Variants in KMT2B observed in about 807,000 individuals in gnomAD.
The protein encoded by KMT2B is histone-lysine N-methyltransferase 2B.
A neutral mutation model predicts 255.3 loss-of-function variants in KMT2B; 22 were observed. That is an observed-to-expected ratio of 0.09 (90% confidence interval 0.06 to 0.12). The LOEUF is 0.12. KMT2B is among the 10% of genes least tolerant of loss of function. The pLI is 1.00. For missense variants in KMT2B, 3,149 were observed against 3,737.0 expected, an observed-to-expected ratio of 0.84 and a Z score of 4.10; for synonymous variants, 1,730 against 1,498.1, an observed-to-expected ratio of 1.15 and a Z score of -3.57.
chr19:35,735,833 C>T (rs1414679286), intron 30 of KMT2B: 1 of 152,344 alleles, frequency 6.6e-6, no homozygotes, highest in African/African-American at 2.4e-5. Flanking sequence ...GTCCCGACCC[C>T]CATCCCCCTT....
chr19:35,728,993 G>C lies in KMT2B; in HGVS notation c.4696G>C (p.Gly1566Arg). ...PPGDPSAAFQ[G>R]KDPAAFSHLE... ...TCACATTTCCTCTTCAGCATTCCAG[G>C]GCAAGGATCCGGCTGCCTTCTCACA... The change falls in exon 21 of 37, where the codon GGC (glycine) becomes CGC (arginine). Residue 1566 changes from glycine (G) to arginine (R), a missense_variant. Physicochemically the swap from Gly to Arg is moderately radical, Grantham distance 125. Around this residue, in one of 18 missense-constraint regions of KMT2B, gnomAD observed 377 missense variants for 471.0 expected, o/e 0.80. Transcript: ENST00000420124. 6.2e-7 allele frequency: 1 copy of C among 1,613,958 alleles called. No individual in the cohort carries two copies. The highest frequency in any genetic ancestry group is 1.1e-5 in the South Asian group (1 of 91,088).
chr19:35,719,454 G>T lies in KMT2B; in HGVS notation c.364-15G>T. On this transcript the variant is annotated splice_polypyrimidine_tract_variant and intron_variant, in intron 1 of 36. Transcript: ENST00000420124. ...GACTGCTGTTTCTCCCCTCCACCCCGGTCCCCTAAATCAGGAGTTTCAGGG... is the reference window on the plus strand; with the variant it reads ...GACTGCTGTTTCTCCCCTCCACCCCTGTCCCCTAAATCAGGAGTTTCAGGG... The T allele has an allele frequency of 1.3e-6, 2 of 1,567,288 alleles. No homozygotes were observed.
rs956852758 is a variant in KMT2B, at chr19:35,730,354, C to G, written c.5089C>G (p.Pro1697Ala). 2 of 1,611,978 alleles carry G rather than the reference C, an allele frequency of 1.2e-6. No homozygotes were observed. The highest frequency in any genetic ancestry group is 1.7e-6 in the Non-Finnish European group (2 of 1,178,302). Residue 1697 changes from proline to alanine, a missense_variant, in exon 24 of 37, where the codon CCC becomes GCC. By Grantham distance (27) the Pro-to-Ala change is conservative. Coordinates refer to ENST00000420124, the MANE Select transcript of KMT2B (RefSeq NM_014727.3). ...CCCCCTCTTCCAGGAAATTGTGAAC[C>G]CCGATGGTTTTGATGTTCTCCGCCG... ...DLLDGKEIVN[P>A]DGFDVLRRVY...
In KMT2B at chr19:35,727,420, C is replaced by G. The variant is rs1271989016; in HGVS notation, c.4118-18C>G. 2.3e-5 allele frequency: 37 copies of G among 1,613,120 alleles called. No homozygotes were observed. Among genetic ancestry groups the G allele is most frequent in the Non-Finnish European group, 3.1e-5 (37 of 1,179,680 alleles). ...ATCCTCTGAAACCACTTTTCCCTTT[C>G]CCACTTGGCTATCCTAGATGAAGAC... is the stretch of plus-strand genomic sequence containing the variant. On this transcript the variant is annotated intron_variant, in intron 15 of 36. Coordinates refer to ENST00000420124, the MANE Select transcript of KMT2B (RefSeq NM_014727.3). The surrounding 1 kb of genome is among the most constrained non-coding windows in gnomAD (Gnocchi z 4.2).
At position 35,723,604 on chromosome 19, in the gene KMT2B, CCATCTT is replaced by C; in HGVS notation, c.3058+104_3058+109del. On this transcript the variant is annotated intron_variant, in intron 7 of 36. Coordinates refer to ENST00000420124, the MANE Select transcript of KMT2B (RefSeq NM_014727.3). This position sits in a 1 kb window ranked among gnomAD's most constrained non-coding sequence, Gnocchi z 7.5. ...TCTCCTCCCTTGCAGCTCACCCTCT[CCATCTT>C]CTCCGTTGTGTGCTTTCATAGCTCC... The C allele has an allele frequency of 7.7e-7, 1 of 1,301,646 alleles. No homozygotes were observed. The highest frequency in any genetic ancestry group is 2.5e-5 in the East Asian group (1 of 39,574). The allele number at this position is 1,301,646 out of a possible 1,614,324, so 80.6% of individuals were successfully genotyped here. A position where few individuals can be genotyped will look rare whatever the true frequency, so the allele number is the denominator to read the frequency against.
chr19:35,728,951 G>T (rs543905274), intron 20 of KMT2B, 34 bp from the exon 21 acceptor site: 2 of 1,613,434 alleles, frequency 1.2e-6, no homozygotes. Flanking sequence ...TCCGGGTCCT[G>T]ATTCTTAGAC....
Position 35,738,631 on chromosome 19 carries a change from T to TAGGGAGC in KMT2B, c.*74_*75insAGGGAGC. On this transcript the variant is annotated 3_prime_UTR_variant, in exon 37 of 37. Coordinates refer to ENST00000420124, the MANE Select transcript of KMT2B (RefSeq NM_014727.3). The surrounding 1 kb of genome is among the most constrained non-coding windows in gnomAD (Gnocchi z 8.7). ...GCCATCTTGCCCCTAGCCTGGGGGC[T>TAGGGAGC]CCCTAGCCCCTCCCAGAGCATCTCA... The TAGGGAGC allele has an allele frequency of 6.8e-7, 1 of 1,470,234 alleles. No individual in the cohort carries two copies. The highest frequency in any genetic ancestry group is 9.2e-7 in the Non-Finnish European group (1 of 1,085,430). The allele number at this position is 1,470,234 out of a possible 1,614,324, so 91.1% of individuals were successfully genotyped here. A position where few individuals can be genotyped will look rare whatever the true frequency, so the allele number is the denominator to read the frequency against.
At chr19:35,726,873 A>C (rs231593) in intron 14 of KMT2B, among the ~76,000 whole-genome samples, 1 of 151,304 alleles carries the variant, frequency 6.6e-6, no homozygotes, top group African/African-American at 2.4e-5. Flanking sequence ...AATCTCAGCT[A>C]CTCGGGAGGC....
rs1013479394 is a variant in KMT2B at position 35,723,121 on chromosome 19, G to A, written c.2849G>A (p.Arg950Gln). Reference sequence around the variant, plus strand: ...GGAGGGACCCTGGCCCACACACCCCGGCGCTCACTGCCCTCCCATCACGGC... The same window carrying A: ...GGAGGGACCCTGGCCCACACACCCCAGCGCTCACTGCCCTCCCATCACGGC... ...GSGGTLAHTP[R>Q]RSLPSHHGKK... Residue 950 changes from arginine (R) to glutamine (Q), a missense_variant, in exon 6 of 37, where the codon CGG becomes CAG. This residue lies in a region of KMT2B where 132 missense variants were observed against 174.7 expected (regional missense o/e 0.76). Transcript: ENST00000420124. This position sits in a 1 kb window ranked among gnomAD's most constrained non-coding sequence, Gnocchi z 7.5. The A allele has an allele frequency of 1.1e-5, 18 of 1,613,210 alleles. No homozygotes were observed. The highest frequency in any genetic ancestry group is 3.3e-5 in the Admixed American group (2 of 59,996).
chr19:35,728,938 G>A (rs2146459135), intron 20 of KMT2B, 47 bp from the exon 21 acceptor site: 1 of 1,612,550 alleles, frequency 6.2e-7, no homozygotes, highest in African/African-American at 1.3e-5. Context: ...TTGGTGGCCT[G>A]GCTCCGGGTC....
In KMT2B at chr19:35,733,321, C is replaced by A; in HGVS notation, c.6772C>A (p.Pro2258Thr). 1 of 1,521,082 alleles carries A rather than the reference C, an allele frequency of 6.6e-7. No homozygotes were observed. The highest frequency in any genetic ancestry group is 8.9e-7 in the Non-Finnish European group (1 of 1,122,988). The allele number at this position is 1,521,082 out of a possible 1,614,324, so 94.2% of individuals were successfully genotyped here. Residue 2258 changes from proline to threonine, a missense_variant, in exon 28 of 37, where the codon CCT becomes ACT. This residue lies in a region of KMT2B where 897 missense variants were observed against 825.3 expected (regional missense o/e 1.09). Transcript: ENST00000420124. The surrounding 1 kb of genome is among the most constrained non-coding windows in gnomAD (Gnocchi z 4.3). ...CCGCCCTGCCCCGCCCCCGCCACCC[C>A]CTCCCCTGACGCTGGTGCTGAGCAG... ...VVRPAPPPPP[P>T]PLTLVLSSGP...
In KMT2B at chr19:35,723,436, C is replaced by T. The variant is rs1246838890; in HGVS notation, c.3003-11C>T. The T allele has an allele frequency of 6.4e-7, 1 of 1,573,450 alleles. No homozygotes were observed. Among genetic ancestry groups the T allele is most frequent in the Non-Finnish European group, 8.6e-7 (1 of 1,159,938 alleles). On this transcript the variant is annotated splice_polypyrimidine_tract_variant and intron_variant, in intron 6 of 36. Transcript: ENST00000420124. This position sits in a 1 kb window ranked among gnomAD's most constrained non-coding sequence, Gnocchi z 7.5. ...TCCCCTACCCTGGTGACGTGCTGCT[C>T]CCCTCCCCAGATACCGGAAGTGTGA...
Position 35,733,910 on chromosome 19 carries a change from C to T in KMT2B, c.7159+38C>T. ...CTTGCCCTCTCCCTCCTTGCCTGTG[C>T]CTGGCTCAGCTGGGTGACTCACAGA... On this transcript the variant is annotated intron_variant, in intron 30 of 36. Coordinates refer to ENST00000420124, the MANE Select transcript of KMT2B (RefSeq NM_014727.3). This position sits in a 1 kb window ranked among gnomAD's most constrained non-coding sequence, Gnocchi z 4.3. 1 of 1,458,416 alleles carries T rather than the reference C, an allele frequency of 6.9e-7. No homozygotes were observed. The highest frequency in any genetic ancestry group is 9.5e-7 in the Non-Finnish European group (1 of 1,047,710). The allele number at this position is 1,458,416 out of a possible 1,614,324, so 90.3% of individuals were successfully genotyped here. A position where few individuals can be genotyped will look rare whatever the true frequency, so the allele number is the denominator to read the frequency against.
rs946230696 is a variant in KMT2B, at chr19:35,732,026, C to T, written c.5556C>T (p.Ala1852=). Residue 1852 remains alanine (A), a synonymous_variant, in exon 27 of 37, where the codon GCC becomes GCT. Transcript: ENST00000420124. Reference sequence around the variant, plus strand: ...CACTGCGGCCAGATTCAGGCAGCGCCCCTCCTCCAGCCCCCCGTTCTTTTT... The same window carrying T: ...CACTGCGGCCAGATTCAGGCAGCGCTCCTCCTCCAGCCCCCCGTTCTTTTT... ...DPPLRPDSGS[A]PPPAPRSFSG... The T allele has an allele frequency of 6.2e-7, 1 of 1,613,432 alleles. No homozygotes were observed. Among genetic ancestry groups the T allele is most frequent in the Non-Finnish European group, 8.5e-7 (1 of 1,179,700 alleles).
rs1028789728 is a variant in KMT2B at position 35,720,502 on chromosome 19, T to C, written c.1155T>C (p.Ala385=). 1 of 1,550,976 alleles carries C rather than the reference T, an allele frequency of 6.4e-7. No individual in the cohort carries two copies. The highest frequency in any genetic ancestry group is 1.4e-5 in the African/African-American group (1 of 72,848). ...AGGGAGAAGAGAAGGAAGAAAGAGC[T>C]GTAGCTGAGGAGATGATGCCAGCTG... The part of the protein sequence containing the change: ...DKEGEEKEER[A]VAEEMMPAAE... The change falls in exon 3 of 37, where the codon GCT becomes GCC. Residue 385 remains alanine, a synonymous_variant. Coordinates refer to ENST00000420124, the MANE Select transcript of KMT2B (RefSeq NM_014727.3).
At chr19:35,724,316 C>T (rs955358055) in intron 8 of KMT2B, among the ~76,000 whole-genome samples, 8 of 152,080 alleles carry the variant, frequency 5.3e-5, no homozygotes, top group African/African-American at 1.9e-4. Context: ...GCCTGGGCAA[C>T]ATAGTGGGAC....
rs1264222535 is a variant in KMT2B at position 35,733,373 on chromosome 19, C to T, written c.6824C>T (p.Ala2275Val). Residue 2275 changes from alanine to valine, a missense_variant, in exon 28 of 37, where the codon GCC (alanine) becomes GTC (valine). Physicochemically the swap from Ala to Val is moderately conservative, Grantham distance 64. Transcript: ENST00000420124. This position sits in a 1 kb window ranked among gnomAD's most constrained non-coding sequence, Gnocchi z 4.3. ...GGGCCAGCCAGCCCGCCCCGCCAGG[C>T]CATCCGCGTCAAGAGGGTGTCCACT... ...SSGPASPPRQ[A>V]IRVKRVSTFS... 1 of 1,549,248 alleles carries T rather than the reference C, an allele frequency of 6.5e-7. No individual in the cohort carries two copies. Among genetic ancestry groups the T allele is most frequent in the Non-Finnish European group, 8.7e-7 (1 of 1,146,364 alleles).
intron 3 of KMT2B, among the ~76,000 whole-genome samples, 166 bp downstream of exon 3, chr19:35,721,970 C>T (rs1363025710): frequency 6.6e-6 from 1 of 151,988 alleles, no homozygotes. Context: ...CAGACCTGGC[C>T]CTTCTCTGTG....
At position 35,723,320 on chromosome 19, in the gene KMT2B, T is replaced by TTA; in HGVS notation, c.3002+46_3002+47insTA. On this transcript the variant is annotated intron_variant, in intron 6 of 36. Coordinates refer to ENST00000420124, the MANE Select transcript of KMT2B (RefSeq NM_014727.3). This position sits in a 1 kb window ranked among gnomAD's most constrained non-coding sequence, Gnocchi z 7.5. The stretch of plus-strand genomic sequence containing the variant: ...CTCATTCCCGTGGTTGTTGGTCCCC[T>TTA]AGGCTTCCTACCTCACTCCTCTTCT... The TTA allele has an allele frequency of 6.3e-7, 1 of 1,590,014 alleles. No individual in the cohort carries two copies. Among genetic ancestry groups the TTA allele is most frequent in the Non-Finnish European group, 8.6e-7 (1 of 1,164,914 alleles).
Sources: gnomAD v4.1 joint callset for allele counts (sites outside exome capture counted in the v4.1 genomes callset) on GRCh38, gnomAD v4.1.1 for gene constraint, gnomAD v4.1.1 regional missense constraint, Gnocchi (gnomAD v3.1) non-coding constraint, MANE v1.5 for transcripts, NCBI Gene and HGNC (gene_info 2026-07-23, HGNC 2026-07-21) for gene names.